Variants in ARHGEF11 observed in about 807,000 individuals in gnomAD.
The protein encoded by ARHGEF11 is Rho guanine nucleotide exchange factor 11.
Under a neutral mutation model 193.7 loss-of-function variants are expected in ARHGEF11, and 55 were observed. The observed-to-expected ratio is 0.28, with a 90% CI of 0.23 to 0.36. ARHGEF11 has a LOEUF of 0.36. Ranked by LOEUF, ARHGEF11 falls within the 10% of genes least tolerant of loss-of-function variation. The pLI is 1.00. For synonymous variants in ARHGEF11, 693 were observed against 768.0 expected (o/e 0.90, Z 1.62); for missense variants, 1,723 against 2,005.6 (o/e 0.86, Z 2.69).
chr1:157,036,354 C>T (rs1304372549), intron 1 of ARHGEF11, among the ~76,000 whole-genome samples: 1 of 151,734 alleles, frequency 6.6e-6, no homozygotes, highest in Non-Finnish European at 1.5e-5. Flanking sequence ...CAGAGTCTTG[C>T]TCTGTCACCC....
intron 2 of ARHGEF11, among the ~76,000 whole-genome samples, chr1:156,985,471 T>C (rs986933362): frequency 1.3e-5 from 2 of 152,178 alleles, no homozygotes; most frequent in African/African-American, 4.8e-5. Flanking sequence ...TCACCCAGGC[T>C]GGAGTGCAAT....
chr1:156,986,360 T>C lies in ARHGEF11; in HGVS notation c.33-187A>G, dbSNP rs114536942. ...CACTGGTAACACCACCTATCTGGAATCCTGGGCTGGCAGGGCAAGCATGAT... is the reference window on the plus strand; with the variant it reads ...CACTGGTAACACCACCTATCTGGAACCCTGGGCTGGCAGGGCAAGCATGAT... On this transcript the variant is annotated intron_variant, in intron 1 of 40. Transcript: ENST00000368194. Among the ~76,000 whole-genome samples the C allele has an allele frequency of 6.1e-3, 928 of 152,192 alleles. 8 individuals carry two copies. The highest frequency in any genetic ancestry group is 0.021 in the African/African-American group (892 of 41,518).
At chr1:156,969,380 T>G in intron 9 of ARHGEF11, 22 bp from the exon 10 acceptor site, 1 of 1,588,164 alleles carries the variant, frequency 6.3e-7, no homozygotes. Flanking sequence ...ATAGTTTCTA[T>G]AACACAGAAG....
chr1:157,034,006 T>C (rs2103027431), intron 1 of ARHGEF11, among the ~76,000 whole-genome samples: 1 of 152,310 alleles, frequency 6.6e-6, no homozygotes, highest in Non-Finnish European at 1.5e-5. Flanking sequence ...CCTTGATGCC[T>C]AGCACTACGA....
chr1:156,957,669 C>T (rs759602814), intron 18 of ARHGEF11, 123 bp downstream of exon 18: 402 of 1,087,384 alleles, frequency 3.7e-4, no homozygotes, highest in Non-Finnish European at 5.4e-4. Context: ...TCAGGAACCA[C>T]GGTCCTTCAT....
rs1185505120 is a variant in ARHGEF11 at position 157,015,615 on chromosome 1, T to C, written c.32+28684A>G. Among the ~76,000 whole-genome samples, 3 of 152,204 alleles carry C rather than the reference T, an allele frequency of 2.0e-5. No individual in the cohort carries two copies. In the East Asian group the frequency reaches 5.8e-4, roughly 29 times the overall value. ...CTTATCCATCTTTGCAGCCTGAAGG[T>C]CTACTGCCATAATTACACTCTAGGT... On this transcript the variant is annotated intron_variant, in intron 1 of 40. Coordinates refer to ENST00000368194, the MANE Select transcript of ARHGEF11 (RefSeq NM_198236.3).
chr1:157,035,893 GAA>G (rs3048560), intron 1 of ARHGEF11, among the ~76,000 whole-genome samples: 871 of 44,610 alleles, frequency 0.02, 102 homozygotes, highest in South Asian at 0.044. Flanking sequence ...ATATATATAG[GAA>G]TATATATATA....
intron 9 of ARHGEF11, 26 bp downstream of exon 9, chr1:156,969,972 G>A: frequency 6.2e-7 from 1 of 1,612,870 alleles, no homozygotes. Flanking sequence ...ATATGCCAGA[G>A]AAAAAAGGGG....
At chr1:156,980,360 G>C in intron 4 of ARHGEF11, 77 bp downstream of exon 4, 6 of 1,533,820 alleles carry the variant, frequency 3.9e-6, no homozygotes, top group Non-Finnish European at 5.3e-6. Context: ...AAAGTGTGCA[G>C]GATGGGCCAA....
intron 1 of ARHGEF11, among the ~76,000 whole-genome samples, chr1:157,041,403 T>C (rs953033472): frequency 2.0e-5 from 3 of 152,176 alleles, no homozygotes; most frequent in Non-Finnish European, 4.4e-5. Flanking sequence ...TGCAAATACT[T>C]TATGCTTTCT....
At chr1:157,018,634 ACT>A (rs1367605514) in intron 1 of ARHGEF11, among the ~76,000 whole-genome samples, 1 of 150,972 alleles carries the variant, frequency 6.6e-6, no homozygotes, top group African/African-American at 2.4e-5. Context: ...ACAGAGCAAG[ACT>A]CTGTCTCAAA....
At chr1:156,947,184 T>C (rs978763224) in intron 26 of ARHGEF11, 120 bp downstream of exon 26, 3 of 1,493,428 alleles carry the variant, frequency 2.0e-6, no homozygotes, top group East Asian at 2.3e-5. Flanking sequence ...CACAGATCTT[T>C]TTCTCACCAG....
chr1:156,999,610 T>C (rs1666964909), intron 1 of ARHGEF11, among the ~76,000 whole-genome samples: 1 of 152,086 alleles, frequency 6.6e-6, no homozygotes, highest in South Asian at 2.1e-4. Context: ...CCAACCATGA[T>C]CTAGAAGCAA....
intron 14 of ARHGEF11, among the ~76,000 whole-genome samples, chr1:156,961,280 T>G (rs1241871713): frequency 6.6e-6 from 1 of 152,244 alleles, no homozygotes; most frequent in African/African-American, 2.4e-5. Flanking sequence ...CAACTCAGAC[T>G]GAGCTTCAGA....
chr1:157,023,259 C>T (rs1164317540), intron 1 of ARHGEF11, among the ~76,000 whole-genome samples: 1 of 152,076 alleles, frequency 6.6e-6, no homozygotes, highest in East Asian at 1.9e-4. Flanking sequence ...GTCTAGTATA[C>T]AGAATCTATA....
At chr1:157,016,294 A>T (rs1407385267) in intron 1 of ARHGEF11, among the ~76,000 whole-genome samples, 1 of 152,116 alleles carries the variant, frequency 6.6e-6, no homozygotes, top group Non-Finnish European at 1.5e-5. Flanking sequence ...ATCTTGGCTC[A>T]CTGCAACCTC....
Position 156,958,986 on chromosome 1 carries a change from C to T in ARHGEF11, c.1379+60G>A, listed in dbSNP as rs1257453469. ...ATGTGCACGTCCCAGAGGGAAGGAG[C>T]CAGGGCCAAGAGGCGGAGGTGAACG... is the stretch of plus-strand genomic sequence containing the variant. On this transcript the variant is annotated intron_variant, in intron 16 of 40. Coordinates refer to ENST00000368194, the MANE Select transcript of ARHGEF11 (RefSeq NM_198236.3). 5 of 1,609,960 alleles carry T rather than the reference C, an allele frequency of 3.1e-6. No individual in the cohort carries two copies. The Admixed American group carries it at 8.3e-5, about 27-fold the overall frequency.
chr1:156,958,774 A>G lies in ARHGEF11; in HGVS notation c.1470T>C (p.Ala490=). The G allele has an allele frequency of 6.2e-7, 1 of 1,614,186 alleles. No homozygotes were observed. The highest frequency in any genetic ancestry group is 2.2e-5 in the East Asian group (1 of 44,888). ...DGDPLRERQV[A]EKQLAALGDI... is the part of the protein sequence containing the mutation. ...CTCCAAGGGCAGCCAGCTGCTTCTCAGCCACTTGGCGCTCTCGGAGAGGGT... is the reference window on the plus strand; with the variant it reads ...CTCCAAGGGCAGCCAGCTGCTTCTCGGCCACTTGGCGCTCTCGGAGAGGGT... The change falls in exon 17 of 41, where the codon GCT becomes GCC. Residue 490 remains alanine (A), a synonymous_variant. Transcript: ENST00000368194.
At chr1:156,976,000 T>C (rs995970560) in intron 7 of ARHGEF11, among the ~76,000 whole-genome samples, 3 of 152,192 alleles carry the variant, frequency 2.0e-5, no homozygotes, top group Non-Finnish European at 4.4e-5. Context: ...GCACTTATCA[T>C]AATATAGTAT....
Sources: gnomAD v4.1 joint callset for allele counts (sites outside exome capture counted in the v4.1 genomes callset) on GRCh38, gnomAD v4.1.1 for gene constraint, MANE v1.5 for transcripts, NCBI Gene and HGNC (gene_info 2026-07-23, HGNC 2026-07-21) for gene names.